STXBP5L: variants seen among roughly 807,000 people sequenced by gnomAD.
STXBP5L encodes syntaxin-binding protein 5-like.
In STXBP5L, 65 loss-of-function variants were observed where a neutral mutation model predicts 144.5. That is an observed-to-expected ratio of 0.45 (90% CI 0.37 to 0.55). STXBP5L has a LOEUF of 0.55. Among genes scored for constraint, STXBP5L ranks in the 20% least tolerant of loss-of-function variants. STXBP5L has a pLI of 0.00. For synonymous variants in STXBP5L, 505 were observed against 469.6 expected (o/e 1.08, Z -0.97); for missense variants, 1,298 against 1,405.5 (o/e 0.92, Z 1.22).
chr3:121,255,196 TTTCC>T, intron 16 of STXBP5L, 84 bp downstream of exon 16: 1 of 1,075,484 alleles, frequency 9.3e-7, no homozygotes, highest in Non-Finnish European at 1.3e-6. Flanking sequence ...CTTGGTATGG[TTTCC>T]ATGAAGTGTG....
At chr3:121,079,994 T>C (rs1451359351) in intron 5 of STXBP5L, among the ~76,000 whole-genome samples, 1 of 152,200 alleles carries the variant, frequency 6.6e-6, no homozygotes, top group Non-Finnish European at 1.5e-5. Context: ...TTTAATATAT[T>C]TGGGAGCTCC....
chr3:121,092,037 T>G (rs1426531000), intron 5 of STXBP5L, among the ~76,000 whole-genome samples: 1 of 152,216 alleles, frequency 6.6e-6, no homozygotes, highest in African/African-American at 2.4e-5. Flanking sequence ...TAGGGAATAC[T>G]TTCCCCATTG....
intron 9 of STXBP5L, among the ~76,000 whole-genome samples, chr3:121,159,336 GTTA>G (rs922960512): frequency 2.0e-5 from 3 of 151,836 alleles, no homozygotes; most frequent in Admixed American, 1.3e-4. Flanking sequence ...TATTATTTGT[GTTA>G]TTATTATTAA....
intron 3 of STXBP5L, among the ~76,000 whole-genome samples, chr3:120,983,508 G>T (rs1025528564): frequency 2.6e-5 from 4 of 152,172 alleles, no homozygotes; most frequent in South Asian, 4.1e-4. Context: ...CAGGCCTCTG[G>T]GGGTTGGGCT....
At chr3:121,333,075 C>A (rs537484832) in intron 20 of STXBP5L, among the ~76,000 whole-genome samples, 1 of 152,138 alleles carries the variant, frequency 6.6e-6, no homozygotes, top group African/African-American at 2.4e-5. Context: ...AAAAAAAATG[C>A]TAAAAGGGGG....
rs918410323 is a variant in STXBP5L at position 120,979,957 on chromosome 3, C to G, written c.287+24920C>G. Among the ~76,000 whole-genome samples, 6 of 152,066 alleles carry G rather than the reference C, an allele frequency of 3.9e-5. No individual in the cohort carries two copies. In the East Asian group the frequency reaches 7.7e-4, roughly 20 times the overall value. On this transcript the variant is annotated intron_variant, in intron 3 of 26. Transcript: ENST00000471454. ...ATTTGTTTCAAAAAAATTTAAATTC[C>G]TAGCCTAATTTCATTATTGATGCAA...
Position 121,254,891 on chromosome 3 carries a change from A to AT in STXBP5L, c.1442-3dup. ...GAAGATAACTGTGCTTCGATGTCTT[A>AT]TAGTAACTCTGCAGATGCTGTACAA... On this transcript the variant is annotated splice_polypyrimidine_tract_variant and splice_region_variant and intron_variant, in intron 15 of 26. Coordinates refer to ENST00000471454, the MANE Select transcript of STXBP5L (RefSeq NM_001308330.2). 6.2e-7 allele frequency: 1 copy of AT among 1,603,912 alleles called. No homozygotes were observed.
chr3:120,927,753 A>G (rs1245196258), intron 2 of STXBP5L, among the ~76,000 whole-genome samples: 1 of 152,068 alleles, frequency 6.6e-6, no homozygotes, highest in Non-Finnish European at 1.5e-5. Context: ...TCTGGTAATA[A>G]TCTCAGTGAT....
intron 2 of STXBP5L, among the ~76,000 whole-genome samples, chr3:120,925,555 A>G (rs1709580731): frequency 1.3e-5 from 2 of 152,122 alleles, no homozygotes; most frequent in African/African-American, 4.8e-5. Flanking sequence ...GATTTATTGT[A>G]AGGAGTATAT....
chr3:121,016,538 G>T (rs1029873278), intron 3 of STXBP5L, among the ~76,000 whole-genome samples: 7 of 152,160 alleles, frequency 4.6e-5, no homozygotes, highest in African/African-American at 9.7e-5. Flanking sequence ...TAGATAAATA[G>T]AAACTTCTCA....
intron 20 of STXBP5L, among the ~76,000 whole-genome samples, chr3:121,368,916 C>G (rs1047907437): frequency 6.6e-6 from 1 of 152,180 alleles, no homozygotes; most frequent in African/African-American, 2.4e-5. Flanking sequence ...TCACTTCAGA[C>G]AGAGGGTGTA....
intron 22 of STXBP5L, among the ~76,000 whole-genome samples, chr3:121,399,086 C>T (rs796748346): frequency 3.9e-5 from 6 of 152,254 alleles, no homozygotes; most frequent in African/African-American, 1.2e-4. Context: ...CCCTCCTTTT[C>T]CACTTTAGTT....
chr3:121,283,781 T>C (rs111432844), intron 19 of STXBP5L, among the ~76,000 whole-genome samples: 5,288 of 151,998 alleles, frequency 0.035, 151 homozygotes, highest in Admixed American at 0.082. Flanking sequence ...ACATAAAGGA[T>C]TTCAGCCAAA....
In STXBP5L at chr3:121,259,155, T is replaced by C; in HGVS notation, c.1945T>C (p.Ser649Pro). 1 of 1,579,256 alleles carries C rather than the reference T, an allele frequency of 6.3e-7. No homozygotes were observed. Among genetic ancestry groups the C allele is most frequent in the Non-Finnish European group, 8.6e-7 (1 of 1,161,250 alleles). ...ACAGATTACTAGTCTTGCTGTAAGC[T>C]CAGCATATGGAATGTAAGTAATTAA... The part of the protein sequence containing the change: ...PQQITSLAVS[S>P]AYGIVAFGNC... The change falls in exon 18 of 27, where the codon TCA becomes CCA. Residue 649 changes from serine (S) to proline (P), a missense_variant. Coordinates refer to ENST00000471454, the MANE Select transcript of STXBP5L (RefSeq NM_001308330.2).
At chr3:121,283,292 C>A (rs2051121608) in intron 19 of STXBP5L, among the ~76,000 whole-genome samples, 1 of 151,930 alleles carries the variant, frequency 6.6e-6, no homozygotes, top group Non-Finnish European at 1.5e-5. Flanking sequence ...CTGGTTTATG[C>A]CCTTAGCTTA....
At chr3:121,028,299 C>G (rs1446229914) in intron 3 of STXBP5L, among the ~76,000 whole-genome samples, 2 of 151,954 alleles carry the variant, frequency 1.3e-5, no homozygotes, top group Non-Finnish European at 2.9e-5. Flanking sequence ...CAGGCTATAG[C>G]AGAAATTTTT....
At chr3:120,973,895 T>C (rs1376652515) in intron 3 of STXBP5L, among the ~76,000 whole-genome samples, 4 of 152,352 alleles carry the variant, frequency 2.6e-5, no homozygotes, top group Admixed American at 1.3e-4. Context: ...GGCTGCATAG[T>C]ATTCCATGGT....
At chr3:121,123,048 T>G (rs971272969) in intron 7 of STXBP5L, among the ~76,000 whole-genome samples, 1 of 151,526 alleles carries the variant, frequency 6.6e-6, no homozygotes, top group African/African-American at 2.4e-5. Flanking sequence ...AAAGATGATT[T>G]TAAGAGTTGA....
At chr3:121,414,392 T>A (rs917170773) in intron 24 of STXBP5L, among the ~76,000 whole-genome samples, 2 of 152,172 alleles carry the variant, frequency 1.3e-5, no homozygotes, top group African/African-American at 4.8e-5. Context: ...TTTTTAAAAA[T>A]TTTGTGACCA....
Sources: allele counts gnomAD v4.1 joint callset (sites outside exome capture counted in the v4.1 genomes callset), GRCh38; gene constraint gnomAD v4.1.1; transcripts MANE v1.5; gene names NCBI Gene and HGNC (gene_info 2026-07-23, HGNC 2026-07-21).